Variants in CLYBL observed in about 807,000 individuals in gnomAD.
CLYBL encodes citramalyl-CoA lyase, mitochondrial.
CLYBL carries 31 observed loss-of-function variants against 38.9 expected under a neutral mutation model. The observed-to-expected ratio is 0.80, with a 90% confidence interval of 0.60 to 1.08. The LOEUF (loss-of-function observed/expected upper bound fraction) is 1.08. CLYBL is among the 50% of genes least tolerant of loss of function. CLYBL has a pLI of 0.00. For missense variants in CLYBL, 434 were observed against 411.6 expected, an observed-to-expected ratio of 1.05 and a Z score of -0.47; for synonymous variants, 171 against 158.6, an observed-to-expected ratio of 1.08 and a Z score of -0.59.
intron 2 of CLYBL, among the ~76,000 whole-genome samples, chr13:99,840,856 G>A (rs939604879): frequency 1.3e-4 from 19 of 148,214 alleles, no homozygotes; most frequent in African/African-American, 4.7e-4. Context: ...TACCAAGGTA[G>A]TGTTTGTTGC....
At chr13:99,777,952 C>T (rs2049557970) in intron 2 of CLYBL, among the ~76,000 whole-genome samples, 1 of 152,208 alleles carries the variant, frequency 6.6e-6, no homozygotes, top group African/African-American at 2.4e-5. Flanking sequence ...TGCCAGGAAC[C>T]AGCCTCCAGC....
chr13:99,692,340 G>A (rs1042229910), intron 1 of CLYBL, among the ~76,000 whole-genome samples: 3 of 150,576 alleles, frequency 2.0e-5, no homozygotes, highest in Admixed American at 6.6e-5. Context: ...CACCCAGGCT[G>A]GAGTGCAGTG....
chr13:99,758,707 C>G (rs1174527086), intron 1 of CLYBL, among the ~76,000 whole-genome samples: 2 of 152,192 alleles, frequency 1.3e-5, no homozygotes, highest in African/African-American at 4.8e-5. Context: ...CCCTCCAGAC[C>G]ACAGAGTCTG....
chr13:99,754,236 C>T (rs372883727), intron 1 of CLYBL, among the ~76,000 whole-genome samples: 1 of 151,270 alleles, frequency 6.6e-6, no homozygotes. Flanking sequence ...ATGGAGAAAC[C>T]CCATTTCTAC....
intron 1 of CLYBL, among the ~76,000 whole-genome samples, chr13:99,747,274 T>A (rs930422837): frequency 1.6e-4 from 18 of 113,148 alleles, no homozygotes; most frequent in Non-Finnish European, 3.0e-4. Context: ...GTTCCTACCC[T>A]CCCACTTTCT....
chr13:99,849,584 C>T lies in CLYBL; in HGVS notation c.250-9277C>T, dbSNP rs879534644. Among the ~76,000 whole-genome samples the T allele has an allele frequency of 6.6e-6, 1 of 152,206 alleles. No individual in the cohort carries two copies. Among genetic ancestry groups the T allele is most frequent in the Non-Finnish European group, 1.5e-5 (1 of 68,046 alleles). ...TCATAAAACATCGGCAGTGCCCGCC[C>T]ACCAAGGGCATCTTCTCAGCACCAG... On this transcript the variant is annotated intron_variant, in intron 2 of 8. Coordinates refer to ENST00000339105, the MANE Select transcript of CLYBL (RefSeq NM_206808.5). The surrounding 1 kb of genome is among the most constrained non-coding windows in gnomAD (Gnocchi z 4.9).
intron 1 of CLYBL, among the ~76,000 whole-genome samples, chr13:99,699,464 C>G (rs1440605127): frequency 6.7e-6 from 1 of 149,468 alleles, no homozygotes; most frequent in African/African-American, 2.5e-5. Flanking sequence ...GAGGCTGAGG[C>G]AGGCAGATCA....
intron 1 of CLYBL, among the ~76,000 whole-genome samples, chr13:99,650,621 G>A (rs887051648): frequency 6.6e-6 from 1 of 152,132 alleles, no homozygotes; most frequent in Non-Finnish European, 1.5e-5. Flanking sequence ...GAGGGTGCTG[G>A]AGGCTGCCTC....
chr13:99,888,521 G>C (rs1924109), intron 7 of CLYBL, among the ~76,000 whole-genome samples: 89,643 of 151,920 alleles, frequency 0.59, 26,956 homozygotes, highest in African/African-American at 0.66. Flanking sequence ...AGGCCGAGGT[G>C]GGCAGATCAG....
intron 8 of CLYBL, among the ~76,000 whole-genome samples, chr13:99,903,796 A>C (rs2052666566): frequency 6.6e-6 from 1 of 152,222 alleles, no homozygotes; most frequent in African/African-American, 2.4e-5. Flanking sequence ...CTGCAAAATG[A>C]ATCTGATTTC....
intron 1 of CLYBL, among the ~76,000 whole-genome samples, chr13:99,663,170 C>T (rs199692803): frequency 3.3e-5 from 5 of 152,280 alleles, no homozygotes; most frequent in Middle Eastern, 6.8e-3. Flanking sequence ...AGGTAAACCC[C>T]GAGGGGAATA....
At chr13:99,805,989 A>G (rs1490793595) in intron 2 of CLYBL, among the ~76,000 whole-genome samples, 5 of 152,208 alleles carry the variant, frequency 3.3e-5, no homozygotes, top group Admixed American at 6.5e-5. Context: ...TCAGTTAACT[A>G]TTCCCCTACC....
chr13:99,767,401 G>C (rs1479282894), intron 1 of CLYBL, among the ~76,000 whole-genome samples: 1 of 152,208 alleles, frequency 6.6e-6, no homozygotes, highest in Non-Finnish European at 1.5e-5. Flanking sequence ...ACTTTTGAAA[G>C]TTTGATTTTA....
intron 1 of CLYBL, among the ~76,000 whole-genome samples, chr13:99,648,613 A>T (rs1464401906): frequency 6.6e-6 from 1 of 152,234 alleles, no homozygotes; most frequent in African/African-American, 2.4e-5. Flanking sequence ...TGCTAACAGC[A>T]TAAGAAATCA....
At chr13:99,878,607 C>A (rs1308315205) in intron 7 of CLYBL, among the ~76,000 whole-genome samples, 2 of 152,132 alleles carry the variant, frequency 1.3e-5, no homozygotes, top group African/African-American at 4.8e-5. Flanking sequence ...ATGACTTATG[C>A]ACGTACAATG....
At chr13:99,771,020 CTTT>C (rs546998940) in intron 1 of CLYBL, among the ~76,000 whole-genome samples, 5 of 120,236 alleles carry the variant, frequency 4.2e-5, no homozygotes, top group African/African-American at 1.1e-4. Flanking sequence ...ACGCGGGGCC[CTTT>C]TTTTTTTTTT....
chr13:99,628,497 C>T (rs749030557), intron 1 of CLYBL, among the ~76,000 whole-genome samples: 2 of 152,184 alleles, frequency 1.3e-5, no homozygotes, highest in African/African-American at 2.4e-5. Flanking sequence ...TCATCCTTTC[C>T]CTGGTGGCTC....
intron 1 of CLYBL, among the ~76,000 whole-genome samples, chr13:99,760,306 C>T (rs1283701386): frequency 6.6e-6 from 1 of 152,200 alleles, no homozygotes; most frequent in Non-Finnish European, 1.5e-5. Flanking sequence ...TTTCTGTTCT[C>T]AACTTCATTA....
chr13:99,674,299 G>T (rs559754556), intron 1 of CLYBL, among the ~76,000 whole-genome samples: 3 of 151,534 alleles, frequency 2.0e-5, no homozygotes, highest in Non-Finnish European at 4.4e-5. Context: ...TTACAGGCAC[G>T]TGCCACCATG....
Sources: allele counts gnomAD v4.1 joint callset (sites outside exome capture counted in the v4.1 genomes callset), GRCh38; gene constraint gnomAD v4.1.1; non-coding constraint Gnocchi (gnomAD v3.1); transcripts MANE v1.5; gene names NCBI Gene and HGNC (gene_info 2026-07-23, HGNC 2026-07-21).